The following KNDC1 variants were observed in gnomAD, a reference collection of about 807,000 sequenced individuals.
KNDC1 encodes the protein kinase non-catalytic C-lobe domain containing 1.
In KNDC1, 106 loss-of-function variants were observed where a neutral mutation model predicts 172.8. The observed-to-expected ratio is 0.61, with a 90% CI of 0.52 to 0.72. The LOEUF (loss-of-function observed/expected upper bound fraction) is 0.72. Among genes scored for constraint, KNDC1 ranks in the 30% least tolerant of loss-of-function variants. The pLI is 0.00. For missense variants in KNDC1, 2,325 were observed against 2,394.5 expected (o/e 0.97, Z 0.61); for synonymous variants, 1,083 against 1,062.2 (o/e 1.02, Z -0.38).
intron 3 of KNDC1, among the ~76,000 whole-genome samples, chr10:133,175,862 GC>G (rs567327131): frequency 7.5e-4 from 114 of 150,998 alleles, no homozygotes; most frequent in Non-Finnish European, 1.5e-3. Context: ...GTGTGGATGG[GC>G]AGTTAAGTGG....
intron 17 of KNDC1, among the ~76,000 whole-genome samples, chr10:133,205,623 C>G (rs3008377): frequency 0.54 from 82,466 of 152,162 alleles, 22,376 homozygotes; most frequent in East Asian, 0.62. Flanking sequence ...TTTTTGGGGG[C>G]CTCGTCTGCA....
rs368722817 is a variant in KNDC1 at position 133,200,369 on chromosome 10, C to A, written c.2904-6C>A. 6 of 1,581,898 alleles carry A rather than the reference C, an allele frequency of 3.8e-6. No individual in the cohort carries two copies. Among genetic ancestry groups the A allele is most frequent in the South Asian group, 1.2e-5 (1 of 86,792 alleles). On this transcript the variant is annotated splice_region_variant and splice_polypyrimidine_tract_variant and intron_variant, in intron 15 of 29. Transcript: ENST00000304613. ...GGTGGGGACTGACCTGCATTCTCGTCGTCAGCACGGCCGAGGAGGCTGGGT... is the reference window on the plus strand; with the variant it reads ...GGTGGGGACTGACCTGCATTCTCGTAGTCAGCACGGCCGAGGAGGCTGGGT...
chr10:133,206,166 C>T (rs1425019168), intron 17 of KNDC1, among the ~76,000 whole-genome samples: 1 of 152,220 alleles, frequency 6.6e-6, no homozygotes, highest in African/African-American at 2.4e-5. Context: ...TGCCATTGCA[C>T]TCCAGCCTGG....
chr10:133,188,712 C>CCCCCCCGCCGT, intron 7 of KNDC1, 59 bp downstream of exon 7: 1 of 822,958 alleles, frequency 1.2e-6, no homozygotes, highest in South Asian at 1.6e-5. Flanking sequence ...CTGTTCCACC[C>CCCCCCCGCCGT]CCCACCGCCG....
At position 133,199,046 on chromosome 10, in the gene KNDC1, C is replaced by T; in HGVS notation, c.2538C>T (p.Gly846=). Residue 846 remains glycine (G), a synonymous_variant, in exon 14 of 30, where the codon GGC becomes GGT. Coordinates refer to ENST00000304613, the MANE Select transcript of KNDC1 (RefSeq NM_152643.8). The part of the protein sequence containing the change: ...ATERPGQEPE[G]PGATPAGERD... ...AGCGCCCGGGCCAGGAGCCAGAGGG[C>T]CCCGGGGCCACCCCTGCCGGGGAAC... is the stretch of plus-strand genomic sequence containing the variant. The T allele has an allele frequency of 1.3e-6, 2 of 1,589,556 alleles. No homozygotes were observed. Among genetic ancestry groups the T allele is most frequent in the Non-Finnish European group, 1.7e-6 (2 of 1,169,442 alleles).
At chr10:133,182,172 C>T (rs1242837179) in intron 3 of KNDC1, among the ~76,000 whole-genome samples, 1 of 152,146 alleles carries the variant, frequency 6.6e-6, no homozygotes, top group East Asian at 1.9e-4. Flanking sequence ...GCAGGGCTTT[C>T]TGTGAAGACT....
Position 133,201,841 on chromosome 10 carries a change from C to T in KNDC1, c.3330C>T (p.Tyr1110=), listed in dbSNP as rs749358882. ...ADCFGADVHN[Y]VKDLGRQQAD... Reference sequence around the variant, plus strand: ...GCTTCGGGGCCGACGTCCACAACTACGTGAAGGACCTGGGGCGGCAGCAGG... The same window carrying T: ...GCTTCGGGGCCGACGTCCACAACTATGTGAAGGACCTGGGGCGGCAGCAGG... The change falls in exon 17 of 30, where the codon TAC becomes TAT. Residue 1110 remains tyrosine (Y), a synonymous_variant. Coordinates refer to ENST00000304613, the MANE Select transcript of KNDC1 (RefSeq NM_152643.8). 7.4e-6 allele frequency: 11 copies of T among 1,486,116 alleles called. No homozygotes were observed. The highest frequency in any genetic ancestry group is 5.1e-5 in the Admixed American group (2 of 39,480). 92.1% of individuals were successfully genotyped at this position (1,486,116 alleles called of 1,614,324 possible). A position where few individuals can be genotyped will look rare whatever the true frequency, so the allele number is the denominator to read the frequency against.
At position 133,213,667 on chromosome 10, in the gene KNDC1, C is replaced by A; in HGVS notation, c.4466C>A (p.Pro1489Gln). The change falls in exon 25 of 30, where the codon CCG becomes CAG. Residue 1489 changes from proline (P) to glutamine (Q), a missense_variant. Transcript: ENST00000304613. Reference sequence around the variant, plus strand: ...CAGGAGTTGTTTCAAAAGTGCCACCCGGTCCACTTCCTGAACTCACGGGCC... The same window carrying A: ...CAGGAGTTGTTTCAAAAGTGCCACCAGGTCCACTTCCTGAACTCACGGGCC... Reference protein sequence around the residue: ...LQQELFQKCHPVHFLNSRALG... With the variant: ...LQQELFQKCHQVHFLNSRALG... 1 of 1,614,064 alleles carries A rather than the reference C, an allele frequency of 6.2e-7. No individual in the cohort carries two copies. Among genetic ancestry groups the A allele is most frequent in the Non-Finnish European group, 8.5e-7 (1 of 1,179,954 alleles).
intron 3 of KNDC1, chr10:133,179,365 C>A (rs555731200): frequency 1.3e-5 from 2 of 152,222 alleles, no homozygotes; most frequent in Admixed American, 1.3e-4. Flanking sequence ...GGACCCACCA[C>A]GCTGAGTGCT....
chr10:133,220,163 G>A lies in KNDC1; in HGVS notation c.5018+51G>A, dbSNP rs374129268. On this transcript the variant is annotated intron_variant, in intron 29 of 29. Transcript: ENST00000304613. ...CGCCCAGGAGAGGAGGGGCTCAGGC[G>A]GGCGCGCGCCCAGGAGAGGAGGGGC... 627 of 1,477,564 alleles carry A rather than the reference G, an allele frequency of 4.2e-4. 2 individuals carry two copies. The African/African-American group carries it at 6.8e-3, about 16-fold the overall frequency. 91.5% of individuals were successfully genotyped at this position (1,477,564 alleles called of 1,614,324 possible).
At chr10:133,215,997 G>A (rs895790825) in intron 26 of KNDC1, among the ~76,000 whole-genome samples, 2 of 152,248 alleles carry the variant, frequency 1.3e-5, no homozygotes, top group Non-Finnish European at 2.9e-5. Context: ...AAAGCACCAC[G>A]CTCGTCCATC....
chr10:133,181,762 CTGTG>C (rs1033385266), intron 3 of KNDC1, among the ~76,000 whole-genome samples: 9 of 151,816 alleles, frequency 5.9e-5, no homozygotes, highest in South Asian at 2.1e-4. Flanking sequence ...GTCCAGCTGT[CTGTG>C]TGTGCTGGGT....
chr10:133,197,845 C>A, intron 12 of KNDC1, 77 bp downstream of exon 12: 1 of 1,149,602 alleles, frequency 8.7e-7, no homozygotes, highest in Non-Finnish European at 1.3e-6. Flanking sequence ...TCTGCATGGA[C>A]AGACACAGCC....
At position 133,218,186 on chromosome 10, in the gene KNDC1, G is replaced by A. The variant is rs186626361; in HGVS notation, c.4678-645G>A. ...GGGACAGGCAGCTACAACAGGAGGGGTCAGCTGAGTTCTCCAGAATCTTCC... is the reference window on the plus strand; with the variant it reads ...GGGACAGGCAGCTACAACAGGAGGGATCAGCTGAGTTCTCCAGAATCTTCC... On this transcript the variant is annotated intron_variant, in intron 26 of 29. Transcript: ENST00000304613. Among the ~76,000 whole-genome samples the A allele has an allele frequency of 3.3e-3, 501 of 152,364 alleles. 4 individuals carry two copies. Among genetic ancestry groups the A allele is most frequent in the African/African-American group, 7.1e-3 (297 of 41,588 alleles).
Position 133,198,919 on chromosome 10 carries a change from C to T in KNDC1, c.2411C>T (p.Pro804Leu), listed in dbSNP as rs573145125. Residue 804 changes from proline (P) to leucine (L), a missense_variant, in exon 14 of 30, where the codon CCT becomes CTT. Transcript: ENST00000304613. ...CAAGGGCCGGCTGAGCCGATCCCAC[C>T]TGGAGTTGCTTCCGGGGGCCTCAGG... ...VEQGPAEPIP[P>L]GVASGGLRPD... 6 of 1,578,252 alleles carry T rather than the reference C, an allele frequency of 3.8e-6. No homozygotes were observed. The Admixed American group carries it at 8.7e-5, about 23-fold the overall frequency.
chr10:133,160,325 G>A lies in KNDC1; in HGVS notation c.-143G>A, dbSNP rs1852917271. ...GGGCCCGCCCCGTATCCCTGACCGCGTCCCCTGGAGACACTGCGGCAGCGG... is the reference window on the plus strand; with the variant it reads ...GGGCCCGCCCCGTATCCCTGACCGCATCCCCTGGAGACACTGCGGCAGCGG... On this transcript the variant is annotated 5_prime_UTR_variant, in exon 1 of 30. Transcript: ENST00000304613. 8.2e-6 allele frequency: 2 copies of A among 244,960 alleles called. No homozygotes were observed. The highest frequency in any genetic ancestry group is 1.4e-5 in the Non-Finnish European group (2 of 138,074). 15.2% of individuals were successfully genotyped at this position (244,960 alleles called of 1,614,324 possible).
At chr10:133,200,482 C>T (rs771445770) in intron 16 of KNDC1, 22 bp downstream of exon 16, 22 of 1,497,232 alleles carry the variant, frequency 1.5e-5, no homozygotes, top group Middle Eastern at 1.8e-4. Context: ...GCGGGCCCCG[C>T]GGCAGGAGCT....
chr10:133,170,248 G>A (rs1441668983), intron 3 of KNDC1, among the ~76,000 whole-genome samples: 2 of 152,210 alleles, frequency 1.3e-5, no homozygotes, highest in Admixed American at 1.3e-4. Context: ...TGTGGCTCGT[G>A]GGGCAGGTGG....
intron 26 of KNDC1, 78 bp from the exon 27 acceptor site, chr10:133,218,753 G>A (rs1287405761): frequency 5.9e-6 from 9 of 1,533,974 alleles, no homozygotes; most frequent in Admixed American, 5.3e-5. Flanking sequence ...GGAGCTGGGT[G>A]ATTTTAACAG....
Sources: allele counts gnomAD v4.1 joint callset (sites outside exome capture counted in the v4.1 genomes callset), GRCh38; gene constraint gnomAD v4.1.1; transcripts MANE v1.5; gene names NCBI Gene and HGNC (gene_info 2026-07-23, HGNC 2026-07-21).